The following RNF216 variants were observed in gnomAD, a reference collection of about 807,000 sequenced individuals.
RNF216 encodes ring finger protein 216.
Under a neutral mutation model 110.8 loss-of-function variants are expected in RNF216, and 72 were observed. The observed-to-expected ratio is 0.65, with a 90% CI of 0.54 to 0.79. The LOEUF (loss-of-function observed/expected upper bound fraction) is 0.79, where lower values mean the gene tolerates loss of function less well. Among genes scored for constraint, RNF216 ranks in the 30% least tolerant of loss-of-function variants. The probability of loss-of-function intolerance (pLI) is 0.00; values close to 1 mark genes in which losing one functional copy is unlikely to be tolerated. For synonymous variants in RNF216, 495 were observed against 407.5 expected, an observed-to-expected ratio of 1.21 and a Z score of -2.59; for missense variants, 1,342 against 1,141.2, an observed-to-expected ratio of 1.18 and a Z score of -2.54.
At chr7:5,748,077 C>G (rs907508451) in intron 3 of RNF216, among the ~76,000 whole-genome samples, 2 of 152,156 alleles carry the variant, frequency 1.3e-5, no homozygotes, top group African/African-American at 4.8e-5. Context: ...TAGGCGGTAT[C>G]AGGCAAATAT....
At chr7:5,678,840 G>C (rs187864084) in intron 13 of RNF216, among the ~76,000 whole-genome samples, 1 of 152,334 alleles carries the variant, frequency 6.6e-6, no homozygotes, top group East Asian at 1.9e-4. Flanking sequence ...GAGCTGGACT[G>C]GATAAATTAA....
chr7:5,668,382 C>T (rs956949536), intron 13 of RNF216, among the ~76,000 whole-genome samples: 7 of 152,110 alleles, frequency 4.6e-5, no homozygotes, highest in Non-Finnish European at 5.9e-5. Context: ...CACCACCACG[C>T]CCGGCTAATG....
intron 13 of RNF216, among the ~76,000 whole-genome samples, chr7:5,677,928 T>C (rs963319761): frequency 2.6e-5 from 4 of 152,340 alleles, no homozygotes; most frequent in East Asian, 3.9e-4. Flanking sequence ...GCCCCAGCCC[T>C]GTTATTACAC....
intron 13 of RNF216, among the ~76,000 whole-genome samples, chr7:5,707,688 T>TAA (rs57984156): frequency 4.6e-4 from 69 of 148,724 alleles, no homozygotes; most frequent in African/African-American, 1.6e-3. Context: ...CTGATCTTAG[T>TAA]AAAAAAAAGC....
At chr7:5,692,332 G>A (rs151031645) in intron 13 of RNF216, among the ~76,000 whole-genome samples, 7 of 152,298 alleles carry the variant, frequency 4.6e-5, no homozygotes, top group African/African-American at 1.7e-4. Flanking sequence ...AACTTTATTT[G>A]CTGATTTCAC....
rs1445212622 is a variant in RNF216 at position 5,622,575 on chromosome 7, T to C, written c.*285A>G. On this transcript the variant is annotated 3_prime_UTR_variant, in exon 17 of 17. Coordinates refer to ENST00000389902, the MANE Select transcript of RNF216 (RefSeq NM_207111.4). ...GGGACCTGGTCTATGGCCTATGCCA[T>C]GGACAAGGCAGAAGGACTGCCGTTG... is the stretch of plus-strand genomic sequence containing the variant. The C allele has an allele frequency of 2.4e-5, 10 of 421,748 alleles. No individual in the cohort carries two copies. Among genetic ancestry groups the C allele is most frequent in the African/African-American group, 9.9e-5 (5 of 50,446 alleles). The allele number at this position is 421,748 out of a possible 1,614,324, so 26.1% of individuals were successfully genotyped here.
At chr7:5,634,804 AG>A (rs1787298955) in intron 15 of RNF216, among the ~76,000 whole-genome samples, 1 of 152,244 alleles carries the variant, frequency 6.6e-6, no homozygotes, top group African/African-American at 2.4e-5. Flanking sequence ...AAGCACCAAC[AG>A]GCCGTGTGTA....
At chr7:5,700,029 T>C (rs1791864467) in intron 13 of RNF216, among the ~76,000 whole-genome samples, 1 of 152,254 alleles carries the variant, frequency 6.6e-6, no homozygotes, top group East Asian at 1.9e-4. Flanking sequence ...TGCTCTCATC[T>C]TGCTCGATGC....
intron 3 of RNF216, among the ~76,000 whole-genome samples, chr7:5,750,441 T>C (rs940829298): frequency 1.3e-5 from 2 of 152,216 alleles, no homozygotes; most frequent in Admixed American, 6.5e-5. Flanking sequence ...TTATCTTTGG[T>C]AGAAATGGGA....
intron 13 of RNF216, among the ~76,000 whole-genome samples, chr7:5,708,895 C>T (rs1792474832): frequency 6.6e-6 from 1 of 152,132 alleles, no homozygotes; most frequent in African/African-American, 2.4e-5. Flanking sequence ...ACCCAAAAAG[C>T]AGCCTTCGAG....
At chr7:5,660,932 T>A (rs554379760) in intron 13 of RNF216, among the ~76,000 whole-genome samples, 1 of 145,038 alleles carries the variant, frequency 6.9e-6, no homozygotes, top group African/African-American at 2.6e-5. Flanking sequence ...TCCATGCTCC[T>A]GAAGCCTTAG....
Position 5,669,176 on chromosome 7 carries a change from C to T in RNF216, c.2062-16666G>A, listed in dbSNP as rs569993359. On this transcript the variant is annotated intron_variant, in intron 13 of 16. Coordinates refer to ENST00000389902, the MANE Select transcript of RNF216 (RefSeq NM_207111.4). ...CCTGCCAGCCTGAGAGGAATATGGG[C>T]GGTCGGGCTCCAGCTATACCTACTA... Among the ~76,000 whole-genome samples the T allele has an allele frequency of 2.1e-3, 314 of 152,278 alleles. 1 individual carries two copies. The highest frequency in any genetic ancestry group is 7.1e-3 in the African/African-American group (294 of 41,550).
intron 13 of RNF216, among the ~76,000 whole-genome samples, chr7:5,698,008 T>TA (rs1791733885): frequency 6.6e-6 from 1 of 152,122 alleles, no homozygotes; most frequent in Non-Finnish European, 1.5e-5. Context: ...TTCTCAGACA[T>TA]AGGCAGCTTT....
chr7:5,644,760 C>A (rs1787949907), intron 14 of RNF216, among the ~76,000 whole-genome samples: 1 of 152,066 alleles, frequency 6.6e-6, no homozygotes, highest in South Asian at 2.1e-4. Context: ...CCGACCTTGG[C>A]CTCTCAAAGT....
intron 15 of RNF216, among the ~76,000 whole-genome samples, chr7:5,630,872 C>T (rs142884002): frequency 4.6e-5 from 7 of 152,288 alleles, no homozygotes; most frequent in Middle Eastern, 3.4e-3. Context: ...CCTGGCACAG[C>T]GAGGTTGTGA....
chr7:5,754,599 G>C (rs1471576420), intron 2 of RNF216, among the ~76,000 whole-genome samples: 1 of 152,142 alleles, frequency 6.6e-6, no homozygotes, highest in Non-Finnish European at 1.5e-5. Context: ...TGAGGCACAG[G>C]AGTCAAGAGA....
At chr7:5,749,608 A>T (rs1439844906) in intron 3 of RNF216, among the ~76,000 whole-genome samples, 2 of 152,228 alleles carry the variant, frequency 1.3e-5, no homozygotes, top group Non-Finnish European at 2.9e-5. Context: ...TTTTAACCAC[A>T]GCCATTTTAA....
At position 5,643,811 on chromosome 7, in the gene RNF216, C is replaced by T. The variant is rs533040698; in HGVS notation, c.2160-2435G>A. On this transcript the variant is annotated intron_variant, in intron 14 of 16. Coordinates refer to ENST00000389902, the MANE Select transcript of RNF216 (RefSeq NM_207111.4). ...ACTTTTATAACCCCAAAAGGAAACC[C>T]TGTACCCACTAAGCAGGCATTCCCC... 2.0e-5 allele frequency among the ~76,000 whole-genome samples: 3 copies of T among 152,274 alleles called. No homozygotes were observed. In the South Asian group the frequency reaches 6.2e-4, roughly 32 times the overall value.
intron 15 of RNF216, among the ~76,000 whole-genome samples, chr7:5,627,602 C>T (rs1285251318): frequency 6.6e-6 from 1 of 152,036 alleles, no homozygotes; most frequent in Non-Finnish European, 1.5e-5. Context: ...AAAAAATTAG[C>T]TGAGCGTGGT....
Sources: allele counts gnomAD v4.1 joint callset (sites outside exome capture counted in the v4.1 genomes callset), GRCh38; gene constraint gnomAD v4.1.1; transcripts MANE v1.5; gene names NCBI Gene and HGNC (gene_info 2026-07-23, HGNC 2026-07-21).